The following MDGA1 variants were observed in gnomAD, a reference collection of about 807,000 sequenced individuals.
The protein encoded by MDGA1 is MAM domain-containing glycosylphosphatidylinositol anchor protein 1.
A neutral mutation model predicts 101.5 loss-of-function variants in MDGA1; 54 were observed. That is an observed-to-expected ratio of 0.53 (90% CI 0.43 to 0.67). The LOEUF is 0.67. Ranked by LOEUF, MDGA1 falls within the 30% of genes least tolerant of loss-of-function variation. MDGA1 has a pLI of 0.00. For synonymous variants in MDGA1, 533 were observed against 558.3 expected, an observed-to-expected ratio of 0.95 and a Z score of 0.64; for missense variants, 1,083 against 1,323.8, an observed-to-expected ratio of 0.82 and a Z score of 2.82.
chr6:37,685,895 T>C (rs1460690726), intron 1 of MDGA1, among the ~76,000 whole-genome samples: 1 of 151,504 alleles, frequency 6.6e-6, no homozygotes, highest in Non-Finnish European at 1.5e-5. Flanking sequence ...TGGGGCGAGG[T>C]GAGGATAGGC....
At chr6:37,689,039 C>T (rs546700699) in intron 1 of MDGA1, among the ~76,000 whole-genome samples, 2 of 152,304 alleles carry the variant, frequency 1.3e-5, no homozygotes, top group African/African-American at 2.4e-5. Context: ...GACTTGTGCA[C>T]GGGAAAGTTT....
chr6:37,689,762 C>G (rs1213250114), intron 1 of MDGA1, among the ~76,000 whole-genome samples: 1 of 152,176 alleles, frequency 6.6e-6, no homozygotes, highest in African/African-American at 2.4e-5. Flanking sequence ...AACCTCAGAG[C>G]CGTTTGCAGC....
At chr6:37,649,297 T>C in intron 8 of MDGA1, 31 bp from the exon 9 acceptor site, 1 of 1,454,584 alleles carries the variant, frequency 6.9e-7, no homozygotes, top group African/African-American at 1.5e-5. Context: ...CAGCGGGGCC[T>C]CTCCCCAGCG....
chr6:37,637,433 G>A lies in MDGA1; in HGVS notation c.2803C>T (p.Pro935Ser), dbSNP rs368283829. The change falls in exon 17 of 17, where the codon CCC becomes TCC. Residue 935 changes from proline (P) to serine (S), a missense_variant. Physicochemically the swap from Pro to Ser is moderately conservative, Grantham distance 74. This residue lies in a region of MDGA1 where 657 missense variants were observed against 771.4 expected (regional missense o/e 0.85). Coordinates refer to ENST00000434837, the MANE Select transcript of MDGA1 (RefSeq NM_153487.4). ...CACAGCTGTGGGCTGGACTGGCAGG[G>A]GGCTCCACTGCCCGGCATCACCACC... ...KVVVMPGSGA[P>S]CQSSPQLWGP... The A allele has an allele frequency of 3.8e-4, 617 of 1,613,494 alleles. 7 individuals are homozygous for A. In the South Asian group the frequency reaches 6.2e-3, roughly 16 times the overall value.
At chr6:37,651,374 A>G (rs544716114) in intron 7 of MDGA1, among the ~76,000 whole-genome samples, 28 of 152,356 alleles carry the variant, frequency 1.8e-4, no homozygotes, top group African/African-American at 6.7e-4. Flanking sequence ...CATTAAATAT[A>G]ATTTAAATAC....
Position 37,638,078 on chromosome 6 carries a change from T to C in MDGA1, c.2776+127A>G, listed in dbSNP as rs559614549. On this transcript the variant is annotated intron_variant, in intron 16 of 16. Coordinates refer to ENST00000434837, the MANE Select transcript of MDGA1 (RefSeq NM_153487.4). This position sits in a 1 kb window ranked among gnomAD's most constrained non-coding sequence, Gnocchi z 4.8. ...ACACCTTCACACAGTCAGAGCCACA[T>C]GATTCCCATCACTCAGACATTCTGA... The C allele has an allele frequency of 4.9e-5, 37 of 749,794 alleles. No individual in the cohort carries two copies. The highest frequency in any genetic ancestry group is 1.1e-4 in the South Asian group (7 of 63,790). The allele number at this position is 749,794 out of a possible 1,614,324, so 46.4% of individuals were successfully genotyped here.
At chr6:37,687,928 AG>A (rs1208854742) in intron 1 of MDGA1, among the ~76,000 whole-genome samples, 1 of 152,024 alleles carries the variant, frequency 6.6e-6, no homozygotes, top group African/African-American at 2.4e-5. Context: ...TAGAGAACCA[AG>A]GGAGGTCCCT....
intron 1 of MDGA1, among the ~76,000 whole-genome samples, chr6:37,677,533 TCAATAG>T (rs1371067309): frequency 6.6e-6 from 1 of 152,020 alleles, no homozygotes; most frequent in Non-Finnish European, 1.5e-5. Flanking sequence ...GAGGGCTCAG[TCAATAG>T]CAGGAGACGT....
Position 37,631,328 on chromosome 6 carries a change from A to G in MDGA1, c.*6040T>C, listed in dbSNP as rs893996869. On this transcript the variant is annotated 3_prime_UTR_variant, in exon 17 of 17. Coordinates refer to ENST00000434837, the MANE Select transcript of MDGA1 (RefSeq NM_153487.4). ...TGAGCGGATTTCTCTTCCTGTGCTC[A>G]GGGAGCCAACCTACAGCAGTGGTGA... The G allele has an allele frequency of 6.6e-6, 1 of 152,214 alleles. No individual in the cohort carries two copies. Among genetic ancestry groups the G allele is most frequent in the African/African-American group, 2.4e-5 (1 of 41,436 alleles). The allele number at this position is 152,214 out of a possible 1,614,324, so 9.4% of individuals were successfully genotyped here.
Position 37,658,261 on chromosome 6 carries a change from G to T in MDGA1, c.366C>A (p.Ile122=). Residue 122 remains isoleucine, a synonymous_variant, in exon 3 of 17, where the codon ATC becomes ATA. Transcript: ENST00000434837. ...NGVGVPAIKS[I]RVDVQYLDEP... ...TCAACTCACACTGCACGTCCACGCG[G>T]ATGGACTTGATGGCCGGCACCCCCA... is the stretch of plus-strand genomic sequence containing the variant. 1 of 1,603,598 alleles carries T rather than the reference G, an allele frequency of 6.2e-7. No homozygotes were observed. Among genetic ancestry groups the T allele is most frequent in the Non-Finnish European group, 8.5e-7 (1 of 1,174,976 alleles).
chr6:37,660,537 T>G (rs1192707655), intron 2 of MDGA1, among the ~76,000 whole-genome samples: 1 of 152,246 alleles, frequency 6.6e-6, no homozygotes, highest in Non-Finnish European at 1.5e-5. Context: ...TCTAGGGTAC[T>G]GAGGCCAACA....
chr6:37,655,608 G>T lies in MDGA1; in HGVS notation c.579+92C>A. 1.1e-6 allele frequency: 1 copy of T among 934,094 alleles called. No homozygotes were observed. The highest frequency in any genetic ancestry group is 1.6e-6 in the Non-Finnish European group (1 of 623,444). The allele number at this position is 934,094 out of a possible 1,614,324, so 57.9% of individuals were successfully genotyped here. On this transcript the variant is annotated intron_variant, in intron 4 of 16. Transcript: ENST00000434837. The surrounding 1 kb of genome is among the most constrained non-coding windows in gnomAD (Gnocchi z 5.1). ...CCAAAGTAAGAATAGAATTGTTGAA[G>T]TCAAGGCAGTCCCAAAAACTCAGCC...
In MDGA1 at chr6:37,642,368, C is replaced by T. The variant is rs541304781; in HGVS notation, c.2536+1441G>A. Among the ~76,000 whole-genome samples the T allele has an allele frequency of 4.6e-5, 7 of 151,978 alleles. No individual in the cohort carries two copies. In the South Asian group the frequency reaches 1.3e-3, roughly 27 times the overall value. On this transcript the variant is annotated intron_variant, in intron 14 of 16. Coordinates refer to ENST00000434837, the MANE Select transcript of MDGA1 (RefSeq NM_153487.4). ...TGTATTTTTAGTAGAGACGAGGTTT[C>T]GCCATGTTAGCCAGGCTGGTCTCGA...
chr6:37,671,743 A>G (rs544731189), intron 1 of MDGA1, among the ~76,000 whole-genome samples: 7 of 152,304 alleles, frequency 4.6e-5, no homozygotes, highest in Middle Eastern at 3.4e-3. Context: ...CCCATCCCCC[A>G]TAAGAGAATC....
chr6:37,678,154 A>T (rs374343122), intron 1 of MDGA1, among the ~76,000 whole-genome samples: 1 of 151,920 alleles, frequency 6.6e-6, no homozygotes, highest in African/African-American at 2.4e-5. Context: ...CAGTACCCCC[A>T]AGGGTTGGGA....
intron 5 of MDGA1, 106 bp downstream of exon 5, chr6:37,654,694 A>G (rs1250500124): frequency 6.5e-7 from 1 of 1,548,780 alleles, no homozygotes; most frequent in Non-Finnish European, 8.9e-7. Context: ...GGGAGGGGCC[A>G]GACATTAGTG....
chr6:37,647,993 C>A (rs952344047), intron 9 of MDGA1, among the ~76,000 whole-genome samples: 11 of 152,152 alleles, frequency 7.2e-5, no homozygotes, highest in African/African-American at 2.7e-4. Flanking sequence ...GCTCCAGGGG[C>A]GCTGCCACCA....
Position 37,635,215 on chromosome 6 carries a change from T to G in MDGA1, c.*2153A>C, listed in dbSNP as rs1190222856. On this transcript the variant is annotated 3_prime_UTR_variant, in exon 17 of 17. Coordinates refer to ENST00000434837, the MANE Select transcript of MDGA1 (RefSeq NM_153487.4). ...TTTTTAAAGGACTCTGGTGGTTCTA[T>G]TCTGCAGGCAAGGCCAGGAACCACT... 2.7e-6 allele frequency: 1 copy of G among 373,462 alleles called. No homozygotes were observed. Among genetic ancestry groups the G allele is most frequent in the African/African-American group, 2.1e-5 (1 of 48,188 alleles). 23.1% of individuals were successfully genotyped at this position (373,462 alleles called of 1,614,324 possible). A position where few individuals can be genotyped will look rare whatever the true frequency, so the allele number is the denominator to read the frequency against.
chr6:37,680,128 G>A (rs1465458053), intron 1 of MDGA1, among the ~76,000 whole-genome samples: 2 of 152,176 alleles, frequency 1.3e-5, no homozygotes, highest in East Asian at 1.9e-4. Context: ...CTCCCCTCCC[G>A]GGGGCGGGGG....
Sources: allele counts gnomAD v4.1 joint callset (sites outside exome capture counted in the v4.1 genomes callset), GRCh38; gene constraint gnomAD v4.1.1; regional missense constraint gnomAD v4.1.1; non-coding constraint Gnocchi (gnomAD v3.1); transcripts MANE v1.5; gene names NCBI Gene and HGNC (gene_info 2026-07-23, HGNC 2026-07-21).